ZBTB20: variants seen among roughly 807,000 people sequenced by gnomAD.
The protein encoded by ZBTB20 is zinc finger and BTB domain-containing protein 20.
ZBTB20 carries 9 observed loss-of-function variants against 56.9 expected under a neutral mutation model. That is an observed-to-expected ratio of 0.16 (90% CI 0.10 to 0.28). The LOEUF is 0.28. Among genes scored for constraint, ZBTB20 ranks in the 10% least tolerant of loss-of-function variants. ZBTB20 has a pLI of 1.00. For missense variants in ZBTB20, 655 were observed against 1,003.0 expected (o/e 0.65, Z 4.69); for synonymous variants, 417 against 420.7 (o/e 0.99, Z 0.11).
In ZBTB20 at chr3:115,053,869, G is replaced by C. The variant is rs151209264; in HGVS notation, c.-507+17350C>G. 9.5e-3 allele frequency among the ~76,000 whole-genome samples: 1,444 copies of C among 152,146 alleles called. 23 individuals carry two copies. The highest frequency in any genetic ancestry group is 0.032 in the African/African-American group (1,341 of 41,522). On this transcript the variant is annotated intron_variant, in intron 2 of 11. Coordinates refer to ENST00000675478, the MANE Select transcript of ZBTB20 (RefSeq NM_001348800.3). ...AAACAACAGAATGTGTCGGTATAAG[G>C]ACATGTTACAAAGTTTTTACTGGGT...
intron 6 of ZBTB20, among the ~76,000 whole-genome samples, chr3:114,633,642 G>A (rs2059089989): frequency 1.3e-5 from 2 of 152,076 alleles, no homozygotes; most frequent in African/African-American, 4.8e-5. Context: ...AAAAATCAGG[G>A]TCCAGTTTTC....
chr3:114,418,390 AATTT>A (rs1477039895), intron 7 of ZBTB20, among the ~76,000 whole-genome samples: 1 of 152,024 alleles, frequency 6.6e-6, no homozygotes, highest in Non-Finnish European at 1.5e-5. Context: ...GAGTCATGCA[AATTT>A]ATTCAAATTC....
intron 5 of ZBTB20, among the ~76,000 whole-genome samples, chr3:114,740,916 C>T (rs1206309262): frequency 6.6e-6 from 1 of 152,036 alleles, no homozygotes; most frequent in African/African-American, 2.4e-5. Context: ...GCAATGTTTC[C>T]CTGCTATCAG....
intron 4 of ZBTB20, among the ~76,000 whole-genome samples, chr3:114,862,408 T>A (rs949422966): frequency 2.5e-4 from 37 of 150,704 alleles, no homozygotes; most frequent in Non-Finnish European, 5.2e-4. Context: ...GGCATCTGTT[T>A]TTTTTTTTTT....
chr3:114,731,200 C>T (rs375386531), intron 5 of ZBTB20, among the ~76,000 whole-genome samples: 3 of 152,196 alleles, frequency 2.0e-5, no homozygotes, highest in South Asian at 2.1e-4. Flanking sequence ...CTGTTAATCC[C>T]GGTTCCCTTA....
chr3:115,084,569 T>G (rs1360558344), intron 1 of ZBTB20, among the ~76,000 whole-genome samples: 1 of 151,956 alleles, frequency 6.6e-6, no homozygotes, highest in African/African-American at 2.4e-5. Context: ...AGATTTGTTT[T>G]TTTAAAAGAT....
chr3:114,558,787 G>T (rs573470323), intron 6 of ZBTB20, among the ~76,000 whole-genome samples: 25 of 152,184 alleles, frequency 1.6e-4, no homozygotes, highest in Admixed American at 3.9e-4. Flanking sequence ...TATATAGTCT[G>T]GTTCCTGATT....
chr3:114,756,993 T>C (rs2108678633), intron 5 of ZBTB20, among the ~76,000 whole-genome samples: 1 of 152,152 alleles, frequency 6.6e-6, no homozygotes, highest in East Asian at 1.9e-4. Context: ...TTGTTGCTTT[T>C]CCCCTCAGCA....
intron 7 of ZBTB20, among the ~76,000 whole-genome samples, chr3:114,442,379 T>C (rs536563044): frequency 1.0e-3 from 152 of 152,284 alleles, no homozygotes; most frequent in African/African-American, 3.2e-3. Context: ...GATGCTACTG[T>C]CTCTCTAGAG....
Position 114,445,881 on chromosome 3 carries a change from A to G in ZBTB20, c.-255+54471T>C, listed in dbSNP as rs143317725. Among the ~76,000 whole-genome samples the G allele has an allele frequency of 2.0e-5, 3 of 152,260 alleles. No homozygotes were observed. In the East Asian group the frequency reaches 5.8e-4, roughly 29 times the overall value. On this transcript the variant is annotated intron_variant, in intron 7 of 11. Coordinates refer to ENST00000675478, the MANE Select transcript of ZBTB20 (RefSeq NM_001348800.3). ...TCAAGGTATTTTTAAAGAAATATTA[A>G]ATCTGTTCTATATTGATCAATTAAC...
At chr3:114,929,841 C>T (rs1240461114) in intron 3 of ZBTB20, among the ~76,000 whole-genome samples, 4 of 152,178 alleles carry the variant, frequency 2.6e-5, no homozygotes, top group Non-Finnish European at 5.9e-5. Flanking sequence ...TTAACTCCTT[C>T]CTTTGAAATG....
At chr3:114,811,267 C>CA (rs1395045390) in intron 4 of ZBTB20, among the ~76,000 whole-genome samples, 1 of 152,146 alleles carries the variant, frequency 6.6e-6, no homozygotes, top group Non-Finnish European at 1.5e-5. Flanking sequence ...CTTGGGAACA[C>CA]ACAAAGGGAA....
At chr3:114,909,591 C>T (rs748055916) in intron 3 of ZBTB20, among the ~76,000 whole-genome samples, 11 of 151,940 alleles carry the variant, frequency 7.2e-5, no homozygotes, top group Non-Finnish European at 1.3e-4. Flanking sequence ...TCCAGTCTTG[C>T]AAGCTCCATT....
At chr3:115,146,953 C>A (rs1304550253) in intron 1 of ZBTB20, among the ~76,000 whole-genome samples, 2 of 150,974 alleles carry the variant, frequency 1.3e-5, no homozygotes, top group African/African-American at 2.4e-5. Flanking sequence ...GCGAGGCAGC[C>A]GCCGGGCGCT....
rs796554781 is a variant in ZBTB20, at chr3:114,938,767, C to T, written c.-456+35599G>A. On this transcript the variant is annotated intron_variant, in intron 3 of 11. Coordinates refer to ENST00000675478, the MANE Select transcript of ZBTB20 (RefSeq NM_001348800.3). ...AGCAAACCACCATGGCACATGTATA[C>T]CTATGTAACAAACCTGCAAATTCTG... Among the ~76,000 whole-genome samples the T allele has an allele frequency of 4.8e-5, 7 of 145,288 alleles. No homozygotes were observed. In the South Asian group the frequency reaches 1.5e-3, roughly 31 times the overall value.
intron 6 of ZBTB20, among the ~76,000 whole-genome samples, chr3:114,622,384 G>C (rs3732479): frequency 2.0e-5 from 3 of 151,762 alleles, no homozygotes; most frequent in South Asian, 2.1e-4. Context: ...GTCCTAACAC[G>C]AGCTAACTAC....
chr3:114,442,029 G>A (rs2090966121), intron 7 of ZBTB20, among the ~76,000 whole-genome samples: 1 of 152,172 alleles, frequency 6.6e-6, no homozygotes, highest in Non-Finnish European at 1.5e-5. Flanking sequence ...GGTGGGGGTT[G>A]TTGGGGGCAG....
At chr3:115,008,953 A>C (rs1466416503) in intron 2 of ZBTB20, among the ~76,000 whole-genome samples, 1 of 151,898 alleles carries the variant, frequency 6.6e-6, no homozygotes, top group Non-Finnish European at 1.5e-5. Flanking sequence ...AACCATGAAT[A>C]TTATCTAATT....
chr3:114,633,654 A>C (rs1177525191), intron 6 of ZBTB20, among the ~76,000 whole-genome samples: 2 of 152,300 alleles, frequency 1.3e-5, no homozygotes, highest in East Asian at 3.9e-4. Flanking sequence ...CCAGTTTTCT[A>C]ATCACTAAAA....
Sources: gnomAD v4.1 joint callset for allele counts (sites outside exome capture counted in the v4.1 genomes callset) on GRCh38, gnomAD v4.1.1 for gene constraint, MANE v1.5 for transcripts, NCBI Gene and HGNC (gene_info 2026-07-23, HGNC 2026-07-21) for gene names.